The following TMEM213 variants were observed in gnomAD, a reference collection of about 807,000 sequenced individuals.
TMEM213 encodes the protein transmembrane protein 213.
A neutral mutation model predicts 11.6 loss-of-function variants in TMEM213; 7 were observed. That is an observed-to-expected ratio of 0.60 (90% confidence interval 0.34 to 1.13). The LOEUF (loss-of-function observed/expected upper bound fraction) is 1.13, where lower values mean the gene tolerates loss of function less well. Among genes scored for constraint, TMEM213 ranks in the 50% most tolerant of loss-of-function variants. TMEM213 has a pLI of 0.03. For missense variants in TMEM213, 129 were observed against 139.0 expected, an observed-to-expected ratio of 0.93 and a Z score of 0.36; for synonymous variants, 60 against 58.3, an observed-to-expected ratio of 1.03 and a Z score of -0.13.
intron 2 of TMEM213, among the ~76,000 whole-genome samples, chr7:138,802,296 T>C (rs184221476): frequency 2.0e-5 from 3 of 152,276 alleles, no homozygotes; most frequent in African/African-American, 7.2e-5. Flanking sequence ...ATGCCTGTAA[T>C]ACCAGCACTT....
chr7:138,802,860 G>A, intron 2 of TMEM213, 40 bp from the exon 3 acceptor site: 2 of 1,519,554 alleles, frequency 1.3e-6, no homozygotes, highest in African/African-American at 2.8e-5. Flanking sequence ...GGCAGGGCTG[G>A]TGGTGCATGC....
chr7:138,801,234 T>C (rs1158814694), intron 1 of TMEM213, 93 bp from the exon 2 acceptor site: 1 of 1,149,372 alleles, frequency 8.7e-7, no homozygotes, highest in African/African-American at 1.5e-5. Context: ...ACTTTCATAA[T>C]ACTCACTACT....
intron 1 of TMEM213, among the ~76,000 whole-genome samples, chr7:138,800,785 C>T (rs1023707208): frequency 6.6e-5 from 10 of 151,776 alleles, no homozygotes; most frequent in Admixed American, 5.3e-4. Context: ...ACTGAACCTC[C>T]GCCTCCTGGG....
At position 138,803,302 on chromosome 7, in the gene TMEM213, T is replaced by C; in HGVS notation, c.*233T>C. 1.8e-6 allele frequency: 1 copy of C among 544,308 alleles called. No homozygotes were observed. The highest frequency in any genetic ancestry group is 2.0e-5 in the South Asian group (1 of 48,986). 33.7% of individuals were successfully genotyped at this position (544,308 alleles called of 1,614,324 possible). On this transcript the variant is annotated 3_prime_UTR_variant, in exon 3 of 3. Transcript: ENST00000442682. ...TGCCCAGGTAACTCCTCTCTCAAGA[T>C]AGTCCCTCTGTAATGTATCCTGTTT...
In TMEM213 at chr7:138,804,007, T is replaced by A. The variant is rs966088137; in HGVS notation, c.*938T>A. 1 of 152,390 alleles carries A rather than the reference T, an allele frequency of 6.6e-6. No individual in the cohort carries two copies. Among genetic ancestry groups the A allele is most frequent in the Non-Finnish European group, 1.5e-5 (1 of 68,262 alleles). The allele number at this position is 152,390 out of a possible 1,614,324, so 9.4% of individuals were successfully genotyped here. ...CCACCATCTTCACCCCCACCTCAGGTCCTTCTCCAGCTCTCCTTCTGGCTT... is the reference window on the plus strand; with the variant it reads ...CCACCATCTTCACCCCCACCTCAGGACCTTCTCCAGCTCTCCTTCTGGCTT... On this transcript the variant is annotated 3_prime_UTR_variant, in exon 3 of 3. Transcript: ENST00000442682.
intron 1 of TMEM213, among the ~76,000 whole-genome samples, chr7:138,800,998 C>T (rs111502244): frequency 3.6e-4 from 55 of 152,200 alleles, no homozygotes; most frequent in African/African-American, 1.2e-3. Flanking sequence ...TGCACCTGGC[C>T]TCTTCCTCAT....
rs1281398564 is a variant in TMEM213 at position 138,798,043 on chromosome 7, G to A, written c.-62G>A. 6.4e-7 allele frequency: 1 copy of A among 1,556,524 alleles called. No individual in the cohort carries two copies. Among genetic ancestry groups the A allele is most frequent in the East Asian group, 2.4e-5 (1 of 41,384 alleles). Reference sequence around the variant, plus strand: ...GTGGGAGTCGACTCACCTGCAGCAGGCACTCGGCACAACTCCGCAGGACCG... The same window carrying A: ...GTGGGAGTCGACTCACCTGCAGCAGACACTCGGCACAACTCCGCAGGACCG... On this transcript the variant is annotated 5_prime_UTR_variant, in exon 1 of 3. Coordinates refer to ENST00000442682, the MANE Select transcript of TMEM213 (RefSeq NM_001085429.2).
In TMEM213 at chr7:138,804,519, C is replaced by T. The variant is rs1329283155; in HGVS notation, c.*1450C>T. The T allele has an allele frequency of 1.3e-5, 2 of 152,290 alleles. No homozygotes were observed. Among genetic ancestry groups the T allele is most frequent in the African/African-American group, 4.8e-5 (2 of 41,448 alleles). 9.4% of individuals were successfully genotyped at this position (152,290 alleles called of 1,614,324 possible). On this transcript the variant is annotated 3_prime_UTR_variant, in exon 3 of 3. Transcript: ENST00000442682. ...TGCTGTTAGAGCACTTCTGCTCTGC[C>T]CTGATGTGCAGTTGTTGTGAATGGG...
rs3087003 is a variant in TMEM213 at position 138,803,273 on chromosome 7, G to GCCTT, written c.*205_*206insCTTC. On this transcript the variant is annotated 3_prime_UTR_variant, in exon 3 of 3. Transcript: ENST00000442682. ...GCATGTCACTCCCAAGGGCCCCTGG[G>GCCTT]CTGTGCCCAGGTAACTCCTCTCTCA... is the stretch of plus-strand genomic sequence containing the variant. 87,766 of 621,810 alleles carry GCCTT rather than the reference G, an allele frequency of 0.14. 8,310 individuals are homozygous for GCCTT. Among genetic ancestry groups the GCCTT allele is most frequent in the African/African-American group, 0.38 (20,523 of 53,690 alleles). The allele number at this position is 621,810 out of a possible 1,614,324, so 38.5% of individuals were successfully genotyped here. A position where few individuals can be genotyped will look rare whatever the true frequency, so the allele number is the denominator to read the frequency against.
Position 138,803,779 on chromosome 7 carries a change from G to GAA in TMEM213, c.*727_*728dup, listed in dbSNP as rs3087006. 10,794 of 103,032 alleles carry GAA rather than the reference G, an allele frequency of 0.1. 708 individuals carry two copies. Among genetic ancestry groups the GAA allele is most frequent in the Non-Finnish European group, 0.13 (6,621 of 52,756 alleles). 6.4% of individuals were successfully genotyped at this position (103,032 alleles called of 1,614,324 possible). ...GGCGGCAGAGCAAGACTCTGTATCA[G>GAA]AAAAAAAAAAAAAAAAAAGAATGTG... On this transcript the variant is annotated 3_prime_UTR_variant, in exon 3 of 3. Transcript: ENST00000442682.
chr7:138,801,271 A>G, intron 1 of TMEM213, 56 bp from the exon 2 acceptor site: 1 of 1,474,162 alleles, frequency 6.8e-7, no homozygotes, highest in Non-Finnish European at 9.4e-7. Context: ...TTCAAAATCT[A>G]TGCCTGGGAA....
At chr7:138,800,623 C>A (rs1175666488) in intron 1 of TMEM213, among the ~76,000 whole-genome samples, 1 of 151,936 alleles carries the variant, frequency 6.6e-6, no homozygotes, top group African/African-American at 2.4e-5. Flanking sequence ...CAAATAGACG[C>A]CTTCTCACTG....
Position 138,803,094 on chromosome 7 carries a change from G to A in TMEM213, c.*25G>A. 4 of 1,607,168 alleles carry A rather than the reference G, an allele frequency of 2.5e-6. No homozygotes were observed. Among genetic ancestry groups the A allele is most frequent in the Non-Finnish European group, 3.4e-6 (4 of 1,178,022 alleles). ...AGACCCAGGCTCGGTGCACAAAATG[G>A]TGATCGCCACCAATTTGTGGCTAAT... On this transcript the variant is annotated 3_prime_UTR_variant, in exon 3 of 3. Coordinates refer to ENST00000442682, the MANE Select transcript of TMEM213 (RefSeq NM_001085429.2).
chr7:138,800,677 T>TTTCTTC (rs142153597), intron 1 of TMEM213, among the ~76,000 whole-genome samples: 4,443 of 128,470 alleles, frequency 0.035, 236 homozygotes, highest in African/African-American at 0.11. Flanking sequence ...GTTGCTGATG[T>TTTCTTC]TTCTTCTTCT....
rs771197713 is a variant in TMEM213, at chr7:138,801,412, G to T, written c.154+14G>T. ...AGCAGTGCCTCAGTAAGCTTCTCCT[G>T]CCAACTGCTCTAACCCCAGAACTGG... On this transcript the variant is annotated intron_variant, in intron 2 of 2. Transcript: ENST00000442682. The T allele has an allele frequency of 1.3e-6, 2 of 1,599,124 alleles. No homozygotes were observed. Among genetic ancestry groups the T allele is most frequent in the Non-Finnish European group, 1.7e-6 (2 of 1,172,924 alleles).
chr7:138,802,424 G>C (rs1808975949), intron 2 of TMEM213, among the ~76,000 whole-genome samples: 1 of 151,858 alleles, frequency 6.6e-6, no homozygotes, highest in Admixed American at 6.6e-5. Context: ...GGTGGTGCGT[G>C]CCTGTAATCC....
At chr7:138,802,713 C>T (rs964728343) in intron 2 of TMEM213, among the ~76,000 whole-genome samples, 187 bp from the exon 3 acceptor site, 13 of 152,258 alleles carry the variant, frequency 8.5e-5, no homozygotes, top group African/African-American at 1.9e-4. Context: ...GAATAAAAGT[C>T]GCACCTGTCG....
chr7:138,803,786 A>AG lies in TMEM213; in HGVS notation c.*717_*718insG, dbSNP rs1421969766. 2 of 150,586 alleles carry AG rather than the reference A, an allele frequency of 1.3e-5. No individual in the cohort carries two copies. Among genetic ancestry groups the AG allele is most frequent in the Non-Finnish European group, 2.9e-5 (2 of 67,848 alleles). 9.3% of individuals were successfully genotyped at this position (150,586 alleles called of 1,614,324 possible). ...GAGCAAGACTCTGTATCAGAAAAAA[A>AG]AAAAAAAAAAAGAATGTGAGGATCA... On this transcript the variant is annotated 3_prime_UTR_variant, in exon 3 of 3. Transcript: ENST00000442682.
chr7:138,801,704 G>A (rs1007739392), intron 2 of TMEM213: 7 of 375,300 alleles, frequency 1.9e-5, no homozygotes, highest in Non-Finnish European at 2.9e-5. Flanking sequence ...AAGGCCATAA[G>A]AAATCATCTA....
Sources: gnomAD v4.1 joint callset for allele counts (sites outside exome capture counted in the v4.1 genomes callset) on GRCh38, gnomAD v4.1.1 for gene constraint, MANE v1.5 for transcripts, NCBI Gene and HGNC (gene_info 2026-07-23, HGNC 2026-07-21) for gene names.